Variants in ATF6 observed in about 807,000 individuals in gnomAD.
The protein encoded by ATF6 is activating transcription factor 6.
Under a neutral mutation model 83.6 loss-of-function variants are expected in ATF6, and 53 were observed. That is an observed-to-expected ratio of 0.63 (90% CI 0.51 to 0.80). The LOEUF (loss-of-function observed/expected upper bound fraction) is 0.80, where lower values mean the gene tolerates loss of function less well. Ranked by LOEUF, ATF6 falls within the 30% of genes least tolerant of loss-of-function variation. ATF6 has a pLI of 0.00. For missense variants in ATF6, 744 were observed against 797.9 expected (o/e 0.93, Z 0.81); for synonymous variants, 288 against 285.8 (o/e 1.01, Z -0.08).
rs1219177714 is a variant in ATF6 at position 161,853,300 on chromosome 1, C to G, written c.1510C>G (p.Gln504Glu). Residue 504 changes from glutamine to glutamate, a missense_variant, in exon 12 of 16, where the codon CAA becomes GAA. Physicochemically the swap from Gln to Glu is conservative, Grantham distance 29. Coordinates refer to ENST00000367942, the MANE Select transcript of ATF6 (RefSeq NM_007348.4). ...RTKSRRMTNN[Q>E]QKTRILQGAL... ...CAAGTCAAGAAGAATGACAAATAAT[C>G]AACAGAAAACCCGTATTCTTCAGGT... 5 of 1,613,032 alleles carry G rather than the reference C, an allele frequency of 3.1e-6. No homozygotes were observed. In the African/African-American group the frequency reaches 6.7e-5, roughly 22 times the overall value.
chr1:161,923,221 GT>G (rs937917590), intron 15 of ATF6, among the ~76,000 whole-genome samples: 3 of 150,522 alleles, frequency 2.0e-5, no homozygotes, highest in Admixed American at 6.6e-5. Context: ...AGGTGGTGGT[GT>G]TTTTTTTTTA....
chr1:161,923,357 T>C (rs186297020), intron 15 of ATF6, among the ~76,000 whole-genome samples: 74 of 152,346 alleles, frequency 4.9e-4, no homozygotes, highest in Non-Finnish European at 8.2e-4. Context: ...ATAGCTGTTC[T>C]ATAGCTGTAT....
At chr1:161,884,699 C>T (rs1422340433) in intron 14 of ATF6, among the ~76,000 whole-genome samples, 1 of 152,016 alleles carries the variant, frequency 6.6e-6, no homozygotes, top group Admixed American at 6.6e-5. Context: ...TTTTCCAGAG[C>T]CCACATTCTA....
chr1:161,924,296 A>C (rs1003062075), intron 15 of ATF6, among the ~76,000 whole-genome samples: 1 of 152,190 alleles, frequency 6.6e-6, no homozygotes, highest in Non-Finnish European at 1.5e-5. Flanking sequence ...GGCCAGTGTC[A>C]TTTCAGAGAT....
At chr1:161,828,802 T>G (rs1453580509) in intron 9 of ATF6, among the ~76,000 whole-genome samples, 1 of 152,200 alleles carries the variant, frequency 6.6e-6, no homozygotes, top group African/African-American at 2.4e-5. Flanking sequence ...TGGTGGTGCC[T>G]GTAGGCACCT....
At chr1:161,890,987 T>C (rs2101869016) in intron 14 of ATF6, 1 of 152,192 alleles carries the variant, frequency 6.6e-6, no homozygotes, top group Admixed American at 6.5e-5. Context: ...GGAAAGTAGA[T>C]TTGTTTCGAG....
At chr1:161,955,336 A>G (rs1053928183) in intron 15 of ATF6, among the ~76,000 whole-genome samples, 2 of 152,188 alleles carry the variant, frequency 1.3e-5, no homozygotes, top group African/African-American at 2.4e-5. Flanking sequence ...GCAACGATTG[A>G]AGGTGGCTTT....
intron 7 of ATF6, among the ~76,000 whole-genome samples, chr1:161,808,582 AT>A (rs1685362317): frequency 6.6e-6 from 1 of 151,724 alleles, no homozygotes; most frequent in Non-Finnish European, 1.5e-5. Context: ...TTATTTATTT[AT>A]TTTTTTAAAG....
At chr1:161,901,468 A>T (rs1279207363) in intron 14 of ATF6, among the ~76,000 whole-genome samples, 2 of 151,828 alleles carry the variant, frequency 1.3e-5, no homozygotes. Flanking sequence ...AACATTTTTA[A>T]TGGAAAATAA....
intron 15 of ATF6, among the ~76,000 whole-genome samples, chr1:161,954,714 C>T (rs747565192): frequency 3.9e-5 from 6 of 152,190 alleles, no homozygotes; most frequent in Non-Finnish European, 5.9e-5. Context: ...TCTGGCTTCT[C>T]CAACCCTCTG....
intron 6 of ATF6, among the ~76,000 whole-genome samples, chr1:161,793,038 T>C (rs563969771): frequency 6.6e-6 from 1 of 152,344 alleles, no homozygotes; most frequent in Non-Finnish European, 1.5e-5. Flanking sequence ...TGCAGCATTC[T>C]TATCTCTGGA....
intron 15 of ATF6, among the ~76,000 whole-genome samples, chr1:161,929,593 G>A (rs1688392304): frequency 6.6e-6 from 1 of 152,178 alleles, no homozygotes; most frequent in Admixed American, 6.5e-5. Flanking sequence ...AAGATAGGAG[G>A]TTCTGTAAAC....
In ATF6 at chr1:161,813,810, C is replaced by G. The variant is rs374766279; in HGVS notation, c.910-5823C>G. 1.5e-4 allele frequency among the ~76,000 whole-genome samples: 23 copies of G among 151,792 alleles called. 1 individual carries two copies. The South Asian group carries it at 4.8e-3, about 32-fold the overall frequency. ...TGGGCCAAGAATTAAGGACTCCTAA[C>G]TTCCAATTTTGTATTTTCATTTAAT... On this transcript the variant is annotated intron_variant, in intron 7 of 15. Transcript: ENST00000367942.
chr1:161,925,636 G>T lies in ATF6; in HGVS notation c.1804+13256G>T, dbSNP rs191092376. On this transcript the variant is annotated intron_variant, in intron 15 of 15. Coordinates refer to ENST00000367942, the MANE Select transcript of ATF6 (RefSeq NM_007348.4). ...CCCTGCTAAATTGGAGGCTTCTTAA[G>T]GTTAGGACCTTATTTATTCAATATT... Among the ~76,000 whole-genome samples the T allele has an allele frequency of 4.1e-3, 620 of 152,230 alleles. 9 individuals carry two copies. Among genetic ancestry groups the T allele is most frequent in the African/African-American group, 0.015 (604 of 41,536 alleles).
At chr1:161,778,110 C>G (rs1043861013) in intron 1 of ATF6, 134 bp from the exon 2 acceptor site, 7 of 605,038 alleles carry the variant, frequency 1.2e-5, no homozygotes. Context: ...TGCTTATTCA[C>G]ATTACTGGAG....
chr1:161,809,592 A>G (rs961429596), intron 7 of ATF6, among the ~76,000 whole-genome samples: 9 of 152,334 alleles, frequency 5.9e-5, no homozygotes, highest in Admixed American at 4.6e-4. Context: ...TGGTATTTCT[A>G]GTTCTAGATC....
intron 15 of ATF6, among the ~76,000 whole-genome samples, chr1:161,923,132 T>G (rs1688246775): frequency 6.6e-6 from 1 of 152,174 alleles, no homozygotes. Flanking sequence ...TAAATAGTCT[T>G]TCCTCCACTG....
At chr1:161,941,625 G>A (rs1688643386) in intron 15 of ATF6, among the ~76,000 whole-genome samples, 1 of 152,292 alleles carries the variant, frequency 6.6e-6, no homozygotes, top group Admixed American at 6.5e-5. Flanking sequence ...ACTACATGGC[G>A]ATTCTAGTTG....
chr1:161,843,237 T>G (rs986448418), intron 9 of ATF6, among the ~76,000 whole-genome samples: 1 of 152,184 alleles, frequency 6.6e-6, no homozygotes, highest in African/African-American at 2.4e-5. Context: ...TCATGCAGAC[T>G]TGGGGAGAGT....
Sources: allele counts gnomAD v4.1 joint callset (sites outside exome capture counted in the v4.1 genomes callset), GRCh38; gene constraint gnomAD v4.1.1; transcripts MANE v1.5; gene names NCBI Gene and HGNC (gene_info 2026-07-23, HGNC 2026-07-21).